The following NAV2 variants were observed in gnomAD, a reference collection of about 807,000 sequenced individuals.
The protein encoded by NAV2 is neuron navigator 2.
NAV2 carries 54 observed loss-of-function variants against 223.2 expected under a neutral mutation model. The ratio of observed to expected loss-of-function variants is 0.24; its 90% CI spans 0.19 to 0.30. The LOEUF is 0.30. NAV2 is among the 10% of genes least tolerant of loss of function. The pLI is 1.00. For synonymous variants in NAV2, 1,279 were observed against 1,239.3 expected, an observed-to-expected ratio of 1.03 and a Z score of -0.67; for missense variants, 2,806 against 3,147.5, an observed-to-expected ratio of 0.89 and a Z score of 2.60.
chr11:19,425,961 A>G (rs1293155831), intron 1 of NAV2, among the ~76,000 whole-genome samples: 1 of 152,210 alleles, frequency 6.6e-6, no homozygotes, highest in African/African-American at 2.4e-5. Flanking sequence ...TTTCAATGAC[A>G]CAGAGAAAGA....
At chr11:19,654,505 C>T (rs2048061522) in intron 1 of NAV2, among the ~76,000 whole-genome samples, 1 of 152,152 alleles carries the variant, frequency 6.6e-6, no homozygotes, top group Non-Finnish European at 1.5e-5. Flanking sequence ...TACAAGGCTA[C>T]AGTAACCAAA....
chr11:19,995,461 G>A (rs964178735), intron 11 of NAV2, among the ~76,000 whole-genome samples: 2 of 152,220 alleles, frequency 1.3e-5, no homozygotes, highest in African/African-American at 4.8e-5. Flanking sequence ...AGGCAGCAGA[G>A]GAGAAGGCCT....
intron 24 of NAV2, among the ~76,000 whole-genome samples, chr11:20,079,852 G>A (rs2059979748): frequency 6.6e-6 from 1 of 152,212 alleles, no homozygotes; most frequent in Non-Finnish European, 1.5e-5. Context: ...TTGTAAAGTG[G>A]GGAGAGATAG....
rs902669067 is a variant in NAV2, at chr11:19,734,423, G to C, written c.267+20461G>C. On this transcript the variant is annotated intron_variant, in intron 1 of 37. Transcript: ENST00000349880. ...CACTGGATGGGTTAGTTTTGAGAAG[G>C]CCTGTGCCAGCCAATTCCTTCCTTC... is the stretch of plus-strand genomic sequence containing the variant. 3.3e-5 allele frequency among the ~76,000 whole-genome samples: 5 copies of C among 152,168 alleles called. No individual in the cohort carries two copies. The East Asian group carries it at 5.8e-4, about 18-fold the overall frequency.
intron 1 of NAV2, among the ~76,000 whole-genome samples, chr11:19,446,801 A>G (rs1428333119): frequency 6.6e-6 from 1 of 152,162 alleles, no homozygotes; most frequent in Non-Finnish European, 1.5e-5. Flanking sequence ...CCTTTTGAAT[A>G]TGACCATCCC....
At chr11:19,494,771 C>A (rs2042740112) in intron 1 of NAV2, among the ~76,000 whole-genome samples, 1 of 152,222 alleles carries the variant, frequency 6.6e-6, no homozygotes, top group South Asian at 2.1e-4. Context: ...CCCTGCATAG[C>A]CTGCCCTACA....
intron 1 of NAV2, among the ~76,000 whole-genome samples, chr11:19,460,893 T>TGG (rs1317225945): frequency 6.6e-6 from 1 of 152,066 alleles, no homozygotes; most frequent in Non-Finnish European, 1.5e-5. Flanking sequence ...GCCTGCTAGG[T>TGG]GGGGTCCTGT....
intron 1 of NAV2, among the ~76,000 whole-genome samples, chr11:19,377,503 A>G (rs1848679911): frequency 6.6e-6 from 1 of 152,144 alleles, no homozygotes; most frequent in Admixed American, 6.5e-5. Context: ...GGATATTTGC[A>G]TGCCTCTCTC....
At chr11:19,458,643 G>A (rs1852043702) in intron 1 of NAV2, among the ~76,000 whole-genome samples, 1 of 152,214 alleles carries the variant, frequency 6.6e-6, no homozygotes. Flanking sequence ...GAGAGGTGAA[G>A]ACTCCAAGTC....
intron 1 of NAV2, among the ~76,000 whole-genome samples, chr11:19,396,416 C>A (rs1292940171): frequency 1.3e-5 from 2 of 152,184 alleles, no homozygotes; most frequent in Non-Finnish European, 2.9e-5. Context: ...GACTAACATA[C>A]AACCCATGAG....
chr11:19,999,160 G>A (rs2052275711), intron 11 of NAV2, among the ~76,000 whole-genome samples: 1 of 152,184 alleles, frequency 6.6e-6, no homozygotes, highest in South Asian at 2.1e-4. Context: ...ATTAGAAAGG[G>A]GCATCAGTCG....
intron 36 of NAV2, 48 bp downstream of exon 36, chr11:20,107,830 C>A: frequency 7.7e-7 from 1 of 1,296,842 alleles, no homozygotes; most frequent in South Asian, 1.2e-5. Context: ...GGGGACTGTT[C>A]TGGTGACCAG....
intron 1 of NAV2, among the ~76,000 whole-genome samples, chr11:19,770,510 G>A (rs754630658): frequency 6.6e-6 from 1 of 152,080 alleles, no homozygotes; most frequent in Non-Finnish European, 1.5e-5. Flanking sequence ...TGGGGAGGGG[G>A]CTGGAGAAGG....
At chr11:19,649,625 C>T (rs2047910520) in intron 1 of NAV2, among the ~76,000 whole-genome samples, 1 of 152,152 alleles carries the variant, frequency 6.6e-6, no homozygotes, top group Non-Finnish European at 1.5e-5. Flanking sequence ...AGGGCTCTGC[C>T]TTCATGACCT....
chr11:19,625,862 T>C (rs879277250), intron 1 of NAV2, among the ~76,000 whole-genome samples: 17 of 152,184 alleles, frequency 1.1e-4, no homozygotes, highest in Admixed American at 1.1e-3. Flanking sequence ...TTGAGAAATG[T>C]CTGTCCAGAT....
chr11:19,350,489 G>A (rs1853249154), upstream of NAV2, among the ~76,000 whole-genome samples: 1 of 152,222 alleles, frequency 6.6e-6, no homozygotes, highest in African/African-American at 2.4e-5. Flanking sequence ...AGTGATTTAT[G>A]GGAGTCAGGG....
chr11:20,011,041 C>T (rs544227986), intron 11 of NAV2, among the ~76,000 whole-genome samples: 3 of 152,302 alleles, frequency 2.0e-5, no homozygotes, highest in African/African-American at 7.2e-5. Flanking sequence ...CGCAGGCCTG[C>T]CTATGCATCT....
intron 1 of NAV2, among the ~76,000 whole-genome samples, chr11:19,368,904 G>T (rs1216504222): frequency 6.6e-6 from 1 of 152,130 alleles, no homozygotes; most frequent in Non-Finnish European, 1.5e-5. Flanking sequence ...TAACGTTCAA[G>T]TCCATTTAGC....
At chr11:19,418,979 G>C (rs754236070) in intron 1 of NAV2, among the ~76,000 whole-genome samples, 5 of 152,124 alleles carry the variant, frequency 3.3e-5, no homozygotes, top group Admixed American at 6.5e-5. Context: ...TGGGAGGTAA[G>C]GGAGGAGGCA....
Sources: allele counts gnomAD v4.1 joint callset (sites outside exome capture counted in the v4.1 genomes callset), GRCh38; gene constraint gnomAD v4.1.1; transcripts MANE v1.5; gene names NCBI Gene and HGNC (gene_info 2026-07-23, HGNC 2026-07-21).